Variants in PREX1 observed in about 807,000 individuals in gnomAD.
PREX1 encodes phosphatidylinositol-3,4,5-trisphosphate dependent Rac exchange factor 1.
In PREX1, 41 loss-of-function variants were observed where a neutral mutation model predicts 198.3. The observed-to-expected ratio is 0.21, with a 90% CI of 0.16 to 0.27. PREX1 has a LOEUF of 0.27. PREX1 is among the 10% of genes least tolerant of loss of function. The probability of loss-of-function intolerance (pLI) is 1.00; values close to 1 mark genes in which losing one functional copy is unlikely to be tolerated. For missense variants in PREX1, 1,620 were observed against 2,200.7 expected (o/e 0.74, Z 5.28); for synonymous variants, 843 against 887.2 (o/e 0.95, Z 0.89).
intron 6 of PREX1, among the ~76,000 whole-genome samples, chr20:48,703,174 C>T (rs1194864937): frequency 3.9e-5 from 6 of 152,220 alleles, no homozygotes; most frequent in Admixed American, 1.3e-4. Context: ...GGCTCTCTCG[C>T]TGCTGTTAGG....
chr20:48,677,567 A>T (rs935533820), intron 13 of PREX1, among the ~76,000 whole-genome samples: 5 of 152,254 alleles, frequency 3.3e-5, no homozygotes, highest in African/African-American at 1.2e-4. Flanking sequence ...AGCTATTCTT[A>T]TGTCCACTTA....
At chr20:48,816,029 G>GAAA (rs35288307) in intron 1 of PREX1, among the ~76,000 whole-genome samples, 3 of 124,624 alleles carry the variant, frequency 2.4e-5, no homozygotes, top group Non-Finnish European at 5.1e-5. Context: ...AGAAAAAAAG[G>GAAA]AAAAAAAAAA....
chr20:48,695,370 C>G (rs1401050983), intron 7 of PREX1, among the ~76,000 whole-genome samples: 1 of 152,226 alleles, frequency 6.6e-6, no homozygotes, highest in Non-Finnish European at 1.5e-5. Context: ...CAGTGTGGTG[C>G]TGCTGTGACA....
intron 1 of PREX1, among the ~76,000 whole-genome samples, chr20:48,825,233 G>C (rs1230526437): frequency 6.6e-6 from 1 of 152,152 alleles, no homozygotes; most frequent in East Asian, 1.9e-4. Context: ...ACGTATGGCT[G>C]GTCAGGTTAC....
intron 5 of PREX1, among the ~76,000 whole-genome samples, chr20:48,719,637 G>A (rs1009027738): frequency 4.6e-5 from 7 of 152,156 alleles, no homozygotes; most frequent in Admixed American, 1.3e-4. Context: ...CAGAATAATA[G>A]AAGGACTCTG....
the PREX1 span, among the ~76,000 whole-genome samples, chr20:48,837,284 A>G: frequency 6.6e-6 from 1 of 152,156 alleles, no homozygotes; most frequent in South Asian, 2.1e-4. Flanking sequence ...AGACCTAAAA[A>G]CAGAACTACC....
chr20:48,803,238 C>A (rs1165935435), intron 1 of PREX1, among the ~76,000 whole-genome samples: 1 of 152,156 alleles, frequency 6.6e-6, no homozygotes, highest in East Asian at 1.9e-4. Flanking sequence ...ACATGGCTTC[C>A]CAGCAGCACA....
rs773709221 is a variant in PREX1 at position 48,630,725 on chromosome 20, T to TA, written c.4593+2dup. ...CCTGCAGCAGGAGGGCACGTGGACA[T>TA]ACCTGGTCTATCTTTACCGCCGTGG... is the stretch of plus-strand genomic sequence containing the variant. On this transcript the variant is annotated splice_region_variant and intron_variant, in intron 36 of 39. Coordinates refer to ENST00000371941, the MANE Select transcript of PREX1 (RefSeq NM_020820.4). 6.9e-6 allele frequency: 11 copies of TA among 1,585,200 alleles called. No homozygotes were observed. The African/African-American group carries it at 1.5e-4, about 21-fold the overall frequency.
At chr20:48,699,171 G>C (rs919566298) in intron 7 of PREX1, among the ~76,000 whole-genome samples, 2 of 152,168 alleles carry the variant, frequency 1.3e-5, no homozygotes, top group African/African-American at 4.8e-5. Context: ...GACAGACAAG[G>C]AAACTGAGGC....
chr20:48,676,137 C>G (rs1323285473), intron 14 of PREX1, 56 bp downstream of exon 14: 14 of 1,523,404 alleles, frequency 9.2e-6, no homozygotes, highest in African/African-American at 2.7e-5. Flanking sequence ...AACAGAAAGC[C>G]CCACACTGAC....
Position 48,646,047 on chromosome 20 carries a change from T to C in PREX1, c.3316A>G (p.Thr1106Ala). Residue 1106 changes from threonine (T) to alanine (A), a missense_variant, in exon 26 of 40, where the codon ACC becomes GCC. Thr to Ala is a moderately conservative substitution (Grantham distance 58, BLOSUM62 0). Around this residue, in one of 7 missense-constraint regions of PREX1, gnomAD observed 514 missense variants for 611.6 expected, o/e 0.84. Transcript: ENST00000371941. ...CCACCCGAGGTGGGCTCTGTGATGG[T>C]GGACAGCAGCCTACGGAAGCAAAGA... ...YVTQINRLLS[T>A]ITEPTSGGSC... The C allele has an allele frequency of 6.2e-7, 1 of 1,613,712 alleles. No individual in the cohort carries two copies. Among genetic ancestry groups the C allele is most frequent in the Non-Finnish European group, 8.5e-7 (1 of 1,179,988 alleles).
chr20:48,708,526 G>T (rs1452984296), intron 5 of PREX1, 105 bp from the exon 6 acceptor site: 3 of 1,237,938 alleles, frequency 2.4e-6, no homozygotes, highest in Middle Eastern at 2.2e-4. Context: ...CTCCTCGCCT[G>T]GTGGACATTA....
At chr20:48,832,131 T>C (rs2090538463), upstream of PREX1, among the ~76,000 whole-genome samples, 1 of 140,604 alleles carries the variant, frequency 7.1e-6, no homozygotes, top group African/African-American at 2.7e-5. Flanking sequence ...AAAATTGCAG[T>C]TCAGGGGGAA....
In PREX1 at chr20:48,653,456, T is replaced by C; in HGVS notation, c.2251A>G (p.Ile751Val). 2 of 1,613,834 alleles carry C rather than the reference T, an allele frequency of 1.2e-6. No individual in the cohort carries two copies. Among genetic ancestry groups the C allele is most frequent in the Non-Finnish European group, 1.7e-6 (2 of 1,180,002 alleles). ...ACGTTGCTGCCATTGACCTTCAGAA[T>C]GCACTGACCAGCACAGAGCCCTGCA... ...MAAGLCAGQC[I>V]LKVNGSNVMN... Residue 751 changes from isoleucine (I) to valine (V), a missense_variant, in exon 20 of 40, where the codon ATT (isoleucine) becomes GTT (valine). This residue lies in a region of PREX1 where 514 missense variants were observed against 611.6 expected (regional missense o/e 0.84). Transcript: ENST00000371941.
At chr20:48,639,633 C>T in intron 30 of PREX1, 133 bp downstream of exon 30, 1 of 1,348,200 alleles carries the variant, frequency 7.4e-7, no homozygotes, top group East Asian at 2.4e-5. Flanking sequence ...GAGAGGGCAT[C>T]ACTTCTCTTG....
rs531950971 is a variant in PREX1 at position 48,636,536 on chromosome 20, C to A, written c.4094G>T (p.Arg1365Leu). The A allele has an allele frequency of 6.8e-5, 110 of 1,611,206 alleles. No individual in the cohort carries two copies. Among genetic ancestry groups the A allele is most frequent in the Non-Finnish European group, 8.7e-5 (103 of 1,179,552 alleles). Residue 1365 changes from arginine (R) to leucine (L), a missense_variant, in exon 32 of 40, where the codon CGC (arginine) becomes CTC (leucine). Coordinates refer to ENST00000371941, the MANE Select transcript of PREX1 (RefSeq NM_020820.4). ...EYEESSRDAS[R>L]KWLEQVAATG... Reference sequence around the variant, plus strand: ...GGCCGCCACCTGCTCCAGCCACTTGCGGCTGGCGTCGCGGCTGCTCTCCTC... The same window carrying A: ...GGCCGCCACCTGCTCCAGCCACTTGAGGCTGGCGTCGCGGCTGCTCTCCTC...
intron 1 of PREX1, among the ~76,000 whole-genome samples, chr20:48,773,994 T>C (rs1286498729): frequency 6.6e-6 from 1 of 151,942 alleles, no homozygotes; most frequent in Non-Finnish European, 1.5e-5. Context: ...GCCCACGGGA[T>C]TTTCTGAGAG....
rs376594580 is a variant in PREX1, at chr20:48,627,852, C to T, written c.4869+9G>A. ...GGTGCTGGAGGACCCTGTGGCCAAG[C>T]GGCCTCACCTGCTTCCGCATGATGT... On this transcript the variant is annotated intron_variant, in intron 38 of 39. Coordinates refer to ENST00000371941, the MANE Select transcript of PREX1 (RefSeq NM_020820.4). The T allele has an allele frequency of 2.1e-5, 34 of 1,609,886 alleles. No individual in the cohort carries two copies. In the African/African-American group the frequency reaches 2.5e-4, roughly 12 times the overall value.
At chr20:48,641,963 A>G in intron 29 of PREX1, 1 of 477,280 alleles carries the variant, frequency 2.1e-6, no homozygotes, top group Non-Finnish European at 3.7e-6. Context: ...AGGTCAAAAG[A>G]AAAAGAAAAA....
Sources: gnomAD v4.1 joint callset for allele counts (sites outside exome capture counted in the v4.1 genomes callset) on GRCh38, gnomAD v4.1.1 for gene constraint, gnomAD v4.1.1 regional missense constraint, MANE v1.5 for transcripts, NCBI Gene and HGNC (gene_info 2026-07-23, HGNC 2026-07-21) for gene names.